Variants in POP1 observed in about 807,000 individuals in gnomAD.
The protein encoded by POP1 is POP1 ribonuclease P/MRP subunit.
A neutral mutation model predicts 102.2 loss-of-function variants in POP1; 75 were observed. That is an observed-to-expected ratio of 0.73 (90% CI 0.61 to 0.89). The LOEUF (loss-of-function observed/expected upper bound fraction) is 0.89, where lower values mean the gene tolerates loss of function less well. POP1 is among the 40% of genes least tolerant of loss of function. The pLI is 0.00. For synonymous variants in POP1, 436 were observed against 464.1 expected (o/e 0.94, Z 0.78); for missense variants, 1,116 against 1,267.4 (o/e 0.88, Z 1.81).
Position 98,130,429 on chromosome 8 carries a change from C to T in POP1, c.735+203C>T, listed in dbSNP as rs142828457. ...AGGGGGGTGACTGACATTAATCAAA[C>T]GATTTACCAGATATGTGGTTGTAAG... On this transcript the variant is annotated intron_variant, in intron 5 of 15. Coordinates refer to ENST00000401707, the MANE Select transcript of POP1 (RefSeq NM_001145860.2). Among the ~76,000 whole-genome samples, 19 of 152,212 alleles carry T rather than the reference C, an allele frequency of 1.2e-4. No homozygotes were observed. The East Asian group carries it at 3.5e-3, about 28-fold the overall frequency.
chr8:98,124,516 G>A (rs534927533), intron 2 of POP1, among the ~76,000 whole-genome samples: 11 of 151,828 alleles, frequency 7.2e-5, no homozygotes, highest in South Asian at 6.3e-4. Context: ...AGCCAAGATC[G>A]TGCCACTGCA....
At chr8:98,138,740 G>A (rs569785917) in intron 9 of POP1, among the ~76,000 whole-genome samples, 1 of 152,114 alleles carries the variant, frequency 6.6e-6, no homozygotes, top group Non-Finnish European at 1.5e-5. Flanking sequence ...AATAAGTTGT[G>A]GAGCAAAGAT....
rs183416208 is a variant in POP1 at position 98,151,011 on chromosome 8, A to G, written c.2057+372A>G. ...TTATAGAAGTAATATATAGTTATCA[A>G]AATTTAATTAAACTATGAAAATATA... On this transcript the variant is annotated intron_variant, in intron 14 of 15. Coordinates refer to ENST00000401707, the MANE Select transcript of POP1 (RefSeq NM_001145860.2). Among the ~76,000 whole-genome samples, 421 of 152,346 alleles carry G rather than the reference A, an allele frequency of 2.8e-3. 2 individuals carry two copies. Among genetic ancestry groups the G allele is most frequent in the Non-Finnish European group, 3.0e-3 (204 of 68,036 alleles).
chr8:98,134,861 A>C (rs757408906), intron 7 of POP1, among the ~76,000 whole-genome samples: 2 of 152,236 alleles, frequency 1.3e-5, no homozygotes, highest in Non-Finnish European at 2.9e-5. Context: ...AATTGACAAA[A>C]AGCAAATATA....
intron 7 of POP1, among the ~76,000 whole-genome samples, chr8:98,135,418 T>C (rs1816507075): frequency 6.6e-6 from 1 of 152,246 alleles, no homozygotes; most frequent in Non-Finnish European, 1.5e-5. Context: ...GGTTCACTAG[T>C]ATCTAGGGGC....
At chr8:98,145,939 C>A (rs546981167) in intron 11 of POP1, among the ~76,000 whole-genome samples, 65 of 151,948 alleles carry the variant, frequency 4.3e-4, no homozygotes, top group African/African-American at 1.6e-3. Context: ...ATACATTTTA[C>A]AGAAACGAAT....
At chr8:98,149,537 A>G (rs1190800812) in intron 13 of POP1, among the ~76,000 whole-genome samples, 2 of 151,878 alleles carry the variant, frequency 1.3e-5, no homozygotes, top group Non-Finnish European at 2.9e-5. Context: ...TGGGCAGATC[A>G]CTTGAGGTCA....
intron 11 of POP1, among the ~76,000 whole-genome samples, chr8:98,145,222 C>G (rs1012320796): frequency 6.6e-6 from 1 of 152,136 alleles, no homozygotes; most frequent in Non-Finnish European, 1.5e-5. Flanking sequence ...AATCTCAGAT[C>G]TTTTCATCAA....
At chr8:98,135,760 G>A (rs910204684) in intron 7 of POP1, among the ~76,000 whole-genome samples, 1 of 151,934 alleles carries the variant, frequency 6.6e-6, no homozygotes, top group African/African-American at 2.4e-5. Context: ...GTGCAGTGGT[G>A]CAGTCATAGC....
At chr8:98,131,472 A>G (rs570414317) in intron 5 of POP1, among the ~76,000 whole-genome samples, 1 of 152,334 alleles carries the variant, frequency 6.6e-6, no homozygotes, top group Non-Finnish European at 1.5e-5. Context: ...CATTGTAGGT[A>G]TATACCGTAT....
In POP1 at chr8:98,140,838, A is replaced by AT; in HGVS notation, c.1547dup (p.Leu516PhefsTer18). On this transcript the variant is annotated frameshift_variant, in exon 11 of 16. Coordinates refer to ENST00000401707, the MANE Select transcript of POP1 (RefSeq NM_001145860.2). LOFTEE classifies it high-confidence loss of function. ...CTGACAGTTGGGGATCCTCGAATAA[A>AT]TTTGCCCCAAAAGAAGTCCAAAGCT... The AT allele has an allele frequency of 6.2e-7, 1 of 1,614,030 alleles. No homozygotes were observed. The highest frequency in any genetic ancestry group is 8.5e-7 in the Non-Finnish European group (1 of 1,179,896).
chr8:98,139,010 AC>A (rs1305813920), intron 9 of POP1, among the ~76,000 whole-genome samples: 1 of 151,776 alleles, frequency 6.6e-6, no homozygotes, highest in Non-Finnish European at 1.5e-5. Flanking sequence ...CAGCCAACAC[AC>A]CCGGCTAATA....
chr8:98,121,684 A>ATT (rs35137527), intron 1 of POP1, among the ~76,000 whole-genome samples: 10 of 136,400 alleles, frequency 7.3e-5, no homozygotes, highest in Admixed American at 1.5e-4. Flanking sequence ...CACCCAACTA[A>ATT]TTTTTTTTTT....
chr8:98,150,409 AT>A lies in POP1; in HGVS notation c.1903-72del. On this transcript the variant is annotated intron_variant, in intron 13 of 15. Transcript: ENST00000401707. ...TTTGAGGGGCGTTTAGGTTGTTTCC[AT>A]TTTCCCCCATATAAACATTAAGCAA... The A allele has an allele frequency of 2.6e-6, 4 of 1,545,296 alleles. No homozygotes were observed. The East Asian group carries it at 6.7e-5, about 26-fold the overall frequency.
intron 3 of POP1, among the ~76,000 whole-genome samples, 167 bp downstream of exon 3, chr8:98,127,929 C>T (rs1816259574): frequency 6.6e-6 from 1 of 152,120 alleles, no homozygotes; most frequent in Non-Finnish European, 1.5e-5. Flanking sequence ...CCAGAGCTTC[C>T]TTGGGCTTGA....
rs575019196 is a variant in POP1, at chr8:98,158,763, G to T, written c.*492G>T. The T allele has an allele frequency of 2.1e-3, 324 of 155,928 alleles. 1 individual carries two copies. Among genetic ancestry groups the T allele is most frequent in the Admixed American group, 3.9e-3 (62 of 15,766 alleles). 9.7% of individuals were successfully genotyped at this position (155,928 alleles called of 1,614,324 possible). ...AATTCTGTACTGTGATTTCCATGCC[G>T]AACAACTCAAGCCTTAAAGAGAGAA... On this transcript the variant is annotated 3_prime_UTR_variant, in exon 16 of 16. Transcript: ENST00000401707.
chr8:98,121,964 C>T (rs1280120417), intron 1 of POP1, among the ~76,000 whole-genome samples: 1 of 151,942 alleles, frequency 6.6e-6, no homozygotes, highest in Admixed American at 6.6e-5. Flanking sequence ...GAATTACAGG[C>T]GTGAGCCACC....
chr8:98,158,227 G>C lies in POP1; in HGVS notation c.3031G>C (p.Ala1011Pro). Residue 1011 changes from alanine (A) to proline (P), a missense_variant, in exon 16 of 16, where the codon GCC becomes CCC. Physicochemically the swap from Ala to Pro is conservative, Grantham distance 27 (BLOSUM62 -1). Transcript: ENST00000401707. ...QRGLVLLRPP[A>P]SLQYRFARIA... ...GGGCTTAGTGCTACTGAGGCCTCCCGCCTCTCTGCAGTATCGATTTGCGAG... is the reference window on the plus strand; with the variant it reads ...GGGCTTAGTGCTACTGAGGCCTCCCCCCTCTCTGCAGTATCGATTTGCGAG... The C allele has an allele frequency of 6.2e-7, 1 of 1,612,130 alleles. No individual in the cohort carries two copies. The highest frequency in any genetic ancestry group is 8.5e-7 in the Non-Finnish European group (1 of 1,180,008).
At chr8:98,120,477 AT>A (rs1163667759) in intron 1 of POP1, among the ~76,000 whole-genome samples, 1 of 152,136 alleles carries the variant, frequency 6.6e-6, no homozygotes, top group South Asian at 2.1e-4. Context: ...ATGTTTGTTC[AT>A]TTTTTTATTT....
Sources: gnomAD v4.1 joint callset for allele counts (sites outside exome capture counted in the v4.1 genomes callset) on GRCh38, gnomAD v4.1.1 for gene constraint, MANE v1.5 for transcripts, NCBI Gene and HGNC (gene_info 2026-07-23, HGNC 2026-07-21) for gene names.